Variants in AAK1 observed in about 807,000 individuals in gnomAD.
AAK1 encodes AP2-associated protein kinase 1.
A neutral mutation model predicts 116.0 loss-of-function variants in AAK1; 37 were observed. The observed-to-expected ratio is 0.32, with a 90% confidence interval of 0.25 to 0.42. AAK1 has a LOEUF of 0.42. Among genes scored for constraint, AAK1 ranks in the 10% least tolerant of loss-of-function variants. The pLI is 1.00. For missense variants in AAK1, 919 were observed against 1,170.6 expected, an observed-to-expected ratio of 0.79 and a Z score of 3.14; for synonymous variants, 458 against 439.9, an observed-to-expected ratio of 1.04 and a Z score of -0.51.
chr2:69,466,990 A>C lies in AAK1; in HGVS notation c.*8879T>G. On this transcript the variant is annotated 3_prime_UTR_variant, in exon 22 of 22. Transcript: ENST00000409085. The stretch of plus-strand genomic sequence containing the variant: ...TCAATTCAGAATCTGGCATGTGGTC[A>C]TCCGCGCCACATGCAGAGGGACAAA... The C allele has an allele frequency of 1.0e-6, 1 of 985,458 alleles. No individual in the cohort carries two copies. 61.0% of individuals were successfully genotyped at this position (985,458 alleles called of 1,614,324 possible).
At chr2:69,488,290 A>C (rs1675383761) in intron 17 of AAK1, among the ~76,000 whole-genome samples, 1 of 152,120 alleles carries the variant, frequency 6.6e-6, no homozygotes, top group Admixed American at 6.5e-5. Context: ...CCCAGGTAAC[A>C]AACATGCACA....
intron 13 of AAK1, 74 bp downstream of exon 13, chr2:69,514,397 T>C: frequency 6.9e-7 from 1 of 1,454,324 alleles, no homozygotes; most frequent in African/African-American, 1.4e-5. Flanking sequence ...GCTGCCATCT[T>C]TCCCACCCTT....
chr2:69,549,612 T>A (rs1572946994), intron 3 of AAK1, among the ~76,000 whole-genome samples: 1 of 152,308 alleles, frequency 6.6e-6, no homozygotes, highest in East Asian at 1.9e-4. Context: ...CACTATCACC[T>A]TCTATAATTC....
intron 3 of AAK1, among the ~76,000 whole-genome samples, chr2:69,549,119 A>G (rs766820809): frequency 3.3e-5 from 5 of 151,900 alleles, no homozygotes; most frequent in Non-Finnish European, 4.4e-5. Context: ...CTGTAATCCC[A>G]GCACTTTGGG....
intron 13 of AAK1, among the ~76,000 whole-genome samples, chr2:69,511,696 G>A (rs930361431): frequency 5.3e-5 from 8 of 152,226 alleles, no homozygotes; most frequent in East Asian, 3.8e-4. Flanking sequence ...GGAGGGAAGG[G>A]ATGGTGAAAT....
At chr2:69,511,422 G>T (rs898875802) in intron 13 of AAK1, among the ~76,000 whole-genome samples, 1 of 152,182 alleles carries the variant, frequency 6.6e-6, no homozygotes, top group Non-Finnish European at 1.5e-5. Context: ...AGGTTAGAAG[G>T]GTAACAAAGC....
intron 2 of AAK1, among the ~76,000 whole-genome samples, chr2:69,587,386 C>CATACGTGTGTACACACACATATAT (rs1558982712): frequency 2.0e-5 from 3 of 149,866 alleles, no homozygotes; most frequent in African/African-American, 7.4e-5. Flanking sequence ...CATATATACA[C>CATACGTGTGTACACACACATATAT]ACACGTGTGT....
chr2:69,474,158 T>C lies in AAK1; in HGVS notation c.*1711A>G, dbSNP rs1299702948. ...AAACCTTGCCCTCCAGAATGCAGTG[T>C]TTTATAGGCTGTTGTTGCTGTTAAA... On this transcript the variant is annotated 3_prime_UTR_variant, in exon 22 of 22. Coordinates refer to ENST00000409085, the MANE Select transcript of AAK1 (RefSeq NM_014911.5). The C allele has an allele frequency of 2.0e-6, 2 of 985,774 alleles. No homozygotes were observed. Among genetic ancestry groups the C allele is most frequent in the Admixed American group, 6.1e-5 (1 of 16,268 alleles). 61.1% of individuals were successfully genotyped at this position (985,774 alleles called of 1,614,324 possible). A position where few individuals can be genotyped will look rare whatever the true frequency, so the allele number is the denominator to read the frequency against.
At chr2:69,495,149 T>C (rs1467755199) in intron 17 of AAK1, among the ~76,000 whole-genome samples, 4 of 152,198 alleles carry the variant, frequency 2.6e-5, no homozygotes, top group Non-Finnish European at 5.9e-5. Context: ...TGGAACAATT[T>C]GCTTTTGTGA....
intron 2 of AAK1, among the ~76,000 whole-genome samples, chr2:69,591,034 T>C (rs992852055): frequency 1.3e-5 from 2 of 152,240 alleles, no homozygotes; most frequent in African/African-American, 2.4e-5. Flanking sequence ...TCTGAAAGAC[T>C]GGTAAGATTG....
chr2:69,484,752 G>C (rs1023300571), intron 17 of AAK1, among the ~76,000 whole-genome samples: 24 of 152,214 alleles, frequency 1.6e-4, no homozygotes, highest in African/African-American at 5.8e-4. Context: ...GCGCATGCCT[G>C]AAGTCCCAGC....
At chr2:69,605,117 G>T (rs1427494802) in intron 2 of AAK1, among the ~76,000 whole-genome samples, 1 of 152,132 alleles carries the variant, frequency 6.6e-6, no homozygotes, top group East Asian at 1.9e-4. Context: ...CCTGGAGTCA[G>T]CCCAGTCCTT....
chr2:69,515,436 C>T (rs72895313), intron 12 of AAK1, among the ~76,000 whole-genome samples: 5,460 of 152,174 alleles, frequency 0.036, 322 homozygotes, highest in African/African-American at 0.12. Flanking sequence ...AGTGATCATT[C>T]CACCTCAGCC....
intron 2 of AAK1, chr2:69,594,798 G>A: frequency 1.6e-6 from 2 of 1,271,508 alleles, no homozygotes; most frequent in South Asian, 1.2e-5. Flanking sequence ...CAGAATGCTT[G>A]CCTCTTTTAA....
intron 18 of AAK1, chr2:69,481,271 C>G (rs1558896146): frequency 4.6e-6 from 1 of 219,680 alleles, no homozygotes; most frequent in Non-Finnish European, 9.2e-6. Context: ...CTTCACTGAG[C>G]ATGCATGTGC....
At chr2:69,599,433 G>C (rs1296324330) in intron 2 of AAK1, among the ~76,000 whole-genome samples, 1 of 148,998 alleles carries the variant, frequency 6.7e-6, no homozygotes, top group Non-Finnish European at 1.5e-5. Flanking sequence ...AATTTCAACT[G>C]TTTTTGGTCA....
chr2:69,472,843 G>T lies in AAK1; in HGVS notation c.*3026C>A. ...AATAGGTAGGTGTGTGTCCACGCATGTGTTTCTGTAATACTTAAAAAGGAA... is the reference window on the plus strand; with the variant it reads ...AATAGGTAGGTGTGTGTCCACGCATTTGTTTCTGTAATACTTAAAAAGGAA... On this transcript the variant is annotated 3_prime_UTR_variant, in exon 22 of 22. Transcript: ENST00000409085. The T allele has an allele frequency of 1.0e-6, 1 of 985,656 alleles. No homozygotes were observed. Among genetic ancestry groups the T allele is most frequent in the Non-Finnish European group, 1.2e-6 (1 of 829,854 alleles). 61.1% of individuals were successfully genotyped at this position (985,656 alleles called of 1,614,324 possible).
Position 69,470,909 on chromosome 2 carries a change from A to G in AAK1, c.*4960T>C. 1 of 985,862 alleles carries G rather than the reference A, an allele frequency of 1.0e-6. No homozygotes were observed. The highest frequency in any genetic ancestry group is 1.7e-5 in the African/African-American group (1 of 57,368). The allele number at this position is 985,862 out of a possible 1,614,324, so 61.1% of individuals were successfully genotyped here. ...TTATTTTAAGTTATTTACATCTCTAAACATCATGCTCCCATTTGAACAGAT... is the reference window on the plus strand; with the variant it reads ...TTATTTTAAGTTATTTACATCTCTAGACATCATGCTCCCATTTGAACAGAT... On this transcript the variant is annotated 3_prime_UTR_variant, in exon 22 of 22. Transcript: ENST00000409085.
At chr2:69,623,833 T>G (rs2105243621) in intron 2 of AAK1, among the ~76,000 whole-genome samples, 1 of 151,718 alleles carries the variant, frequency 6.6e-6, no homozygotes, top group East Asian at 1.9e-4. Context: ...ATTTAAAATA[T>G]CTGCAAAAAG....
Sources: allele counts gnomAD v4.1 joint callset (sites outside exome capture counted in the v4.1 genomes callset), GRCh38; gene constraint gnomAD v4.1.1; transcripts MANE v1.5; gene names NCBI Gene and HGNC (gene_info 2026-07-23, HGNC 2026-07-21).